ZCWPW2: variants seen among roughly 807,000 people sequenced by gnomAD.
ZCWPW2 encodes zinc finger CW-type and PWWP domain containing 2.
Under a neutral mutation model 46.6 loss-of-function variants are expected in ZCWPW2, and 45 were observed. That is an observed-to-expected ratio of 0.96 (90% CI 0.76 to 1.24). The LOEUF is 1.24. Ranked by LOEUF, ZCWPW2 falls within the 50% of genes most tolerant of loss-of-function variation. The pLI is 0.00. For missense variants in ZCWPW2, 429 were observed against 403.9 expected, an observed-to-expected ratio of 1.06 and a Z score of -0.53; for synonymous variants, 152 against 137.1, an observed-to-expected ratio of 1.11 and a Z score of -0.76.
intron 1 of ZCWPW2, among the ~76,000 whole-genome samples, chr3:28,384,636 G>A (rs538660277): frequency 3.5e-5 from 5 of 141,008 alleles, no homozygotes; most frequent in South Asian, 2.2e-4. Context: ...TTTTTGAGAC[G>A]GTGTCTCACT....
chr3:28,433,092 T>TACACACAC (rs71626517), intron 3 of ZCWPW2, among the ~76,000 whole-genome samples: 45 of 148,926 alleles, frequency 3.0e-4, no homozygotes, highest in African/African-American at 1.1e-3. Context: ...AGCATATTCT[T>TACACACAC]ACACACACAC....
At chr3:28,432,929 C>A (rs1266988637) in intron 3 of ZCWPW2, among the ~76,000 whole-genome samples, 1 of 152,104 alleles carries the variant, frequency 6.6e-6, no homozygotes, top group African/African-American at 2.4e-5. Flanking sequence ...CAGTAGCAAT[C>A]CTTATTGATC....
chr3:28,349,407 G>T (rs35647721), intron 1 of ZCWPW2, among the ~76,000 whole-genome samples: 3,192 of 152,288 alleles, frequency 0.021, 50 homozygotes, highest in Middle Eastern at 0.034. Context: ...TTCCTCTGTA[G>T]CCTCTGTTTT....
At chr3:28,466,024 A>T (rs548292252) in intron 4 of ZCWPW2, among the ~76,000 whole-genome samples, 1 of 152,344 alleles carries the variant, frequency 6.6e-6, no homozygotes, top group Admixed American at 6.5e-5. Context: ...TGTCATTTGT[A>T]GCAATATAGA....
intron 3 of ZCWPW2, among the ~76,000 whole-genome samples, chr3:28,423,110 A>T (rs1696860434): frequency 6.6e-6 from 1 of 152,104 alleles, no homozygotes; most frequent in Non-Finnish European, 1.5e-5. Context: ...TCACTGTCTT[A>T]TCAGATATAT....
intron 6 of ZCWPW2, among the ~76,000 whole-genome samples, chr3:28,498,757 G>C (rs931335402): frequency 1.3e-5 from 2 of 151,516 alleles, no homozygotes; most frequent in African/African-American, 4.9e-5. Context: ...CCATCAACCC[G>C]TCATCTACAT....
At chr3:28,421,961 TA>T (rs1382003336) in intron 3 of ZCWPW2, among the ~76,000 whole-genome samples, 3 of 151,872 alleles carry the variant, frequency 2.0e-5, no homozygotes, top group Non-Finnish European at 4.4e-5. Context: ...CCCGTGTTCT[TA>T]AATTTCCTAG....
chr3:28,511,043 TC>T lies in ZCWPW2; in HGVS notation c.658-3020del, dbSNP rs1320064106. On this transcript the variant is annotated intron_variant, in intron 6 of 9. Coordinates refer to ENST00000383768, the MANE Select transcript of ZCWPW2 (RefSeq NM_001040432.4). ...TCAAGATGAGAGTCAACGCTAAGAA[TC>T]TACCCCAGATGTCAAGAAAGACCCT... 6.6e-6 allele frequency: 3 copies of T among 455,820 alleles called. No homozygotes were observed. The Admixed American group carries it at 7.1e-5, about 11-fold the overall frequency. 28.2% of individuals were successfully genotyped at this position (455,820 alleles called of 1,614,324 possible).
chr3:28,351,575 A>T (rs1360657033), intron 1 of ZCWPW2: 3 of 151,530 alleles, frequency 2.0e-5, no homozygotes, highest in Non-Finnish European at 4.4e-5. Context: ...TTAAATGAGG[A>T]CTTTGTCTAT....
At chr3:28,475,464 G>T (rs890853393) in intron 4 of ZCWPW2, among the ~76,000 whole-genome samples, 11 of 152,114 alleles carry the variant, frequency 7.2e-5, no homozygotes, top group African/African-American at 2.2e-4. Flanking sequence ...TCAAAGCAAT[G>T]AGAATGATTT....
chr3:28,382,981 A>G (rs1575071847), intron 1 of ZCWPW2, among the ~76,000 whole-genome samples: 1 of 152,196 alleles, frequency 6.6e-6, no homozygotes, highest in African/African-American at 2.4e-5. Context: ...TTTGTTAACA[A>G]TTCTGAATTA....
At chr3:28,479,673 C>G (rs1176156286) in intron 5 of ZCWPW2, among the ~76,000 whole-genome samples, 1 of 152,168 alleles carries the variant, frequency 6.6e-6, no homozygotes. Context: ...TTTTCCTCCT[C>G]CCACCTTCCA....
intron 6 of ZCWPW2, among the ~76,000 whole-genome samples, chr3:28,495,602 A>C (rs1305466613): frequency 6.6e-6 from 1 of 152,064 alleles, no homozygotes; most frequent in Admixed American, 6.6e-5. Context: ...CTTGTATGGT[A>C]ATTTGATAGA....
intron 4 of ZCWPW2, among the ~76,000 whole-genome samples, chr3:28,455,816 G>A (rs1698401264): frequency 6.6e-6 from 1 of 152,014 alleles, no homozygotes; most frequent in Admixed American, 6.6e-5. Flanking sequence ...TTATTTCTGG[G>A]TTCTTTATTA....
At chr3:28,460,017 A>G (rs771529980) in intron 4 of ZCWPW2, among the ~76,000 whole-genome samples, 5 of 152,100 alleles carry the variant, frequency 3.3e-5, no homozygotes, top group Non-Finnish European at 7.4e-5. Flanking sequence ...AAACTGCTTC[A>G]TTTCCTACCT....
chr3:28,515,503 A>T, intron 7 of ZCWPW2, 51 bp from the exon 8 acceptor site: 1 of 1,356,874 alleles, frequency 7.4e-7, no homozygotes, highest in Non-Finnish European at 1.0e-6. Flanking sequence ...TGGTCATTTA[A>T]ATATTCATGA....
chr3:28,510,093 C>T (rs1224826637), intron 6 of ZCWPW2, among the ~76,000 whole-genome samples: 1 of 152,112 alleles, frequency 6.6e-6, no homozygotes, highest in African/African-American at 2.4e-5. Context: ...GTCATGGCAC[C>T]TTTGCTAAAA....
At chr3:28,491,296 G>T (rs977415241) in intron 5 of ZCWPW2, among the ~76,000 whole-genome samples, 1 of 152,058 alleles carries the variant, frequency 6.6e-6, no homozygotes, top group Admixed American at 6.6e-5. Flanking sequence ...CATGAATATA[G>T]TAACCTGTTC....
At chr3:28,409,122 C>CTTTTTTTTTTTTTTTTTTTTTTT (rs11328735) in intron 2 of ZCWPW2, among the ~76,000 whole-genome samples, 1 of 82,326 alleles carries the variant, frequency 1.2e-5, no homozygotes, top group Non-Finnish European at 2.2e-5. Flanking sequence ...TTTTCTTTTT[C>CTTTTTTTTTTTTTTTTTTTTTTT]TTTTTTTTTT....
Sources: allele counts gnomAD v4.1 joint callset (sites outside exome capture counted in the v4.1 genomes callset), GRCh38; gene constraint gnomAD v4.1.1; transcripts MANE v1.5; gene names NCBI Gene and HGNC (gene_info 2026-07-23, HGNC 2026-07-21).